ABI3BP: variants seen among roughly 807,000 people sequenced by gnomAD.
ABI3BP encodes the protein ABI family member 3 binding protein, also known as target of Nesh-SH3.
Under a neutral mutation model 268.6 loss-of-function variants are expected in ABI3BP, and 216 were observed. That is an observed-to-expected ratio of 0.80 (90% CI 0.72 to 0.90). The LOEUF is 0.90. ABI3BP is among the 40% of genes least tolerant of loss of function. ABI3BP has a pLI of 0.00. For synonymous variants in ABI3BP, 730 were observed against 730.0 expected (o/e 1.00, Z 0.00); for missense variants, 2,090 against 2,182.4 (o/e 0.96, Z 0.84).
chr3:100,778,054 C>T (rs1053571891), intron 59 of ABI3BP, among the ~76,000 whole-genome samples: 1 of 152,212 alleles, frequency 6.6e-6, no homozygotes, highest in Non-Finnish European at 1.5e-5. Flanking sequence ...AGCACTCAGA[C>T]ATCTAAGAAG....
intron 21 of ABI3BP, among the ~76,000 whole-genome samples, 186 bp downstream of exon 21, chr3:100,841,812 C>T (rs536915612): frequency 4.6e-4 from 69 of 151,620 alleles, no homozygotes; most frequent in African/African-American, 1.6e-3. Flanking sequence ...ATTGCTTGAA[C>T]CTGGGAGGCA....
chr3:100,953,479 G>T (rs569415733), intron 1 of ABI3BP, among the ~76,000 whole-genome samples: 1 of 152,166 alleles, frequency 6.6e-6, no homozygotes, highest in Non-Finnish European at 1.5e-5. Flanking sequence ...TCAGTAGTGA[G>T]GGATACTGAT....
In ABI3BP at chr3:100,900,428, AT is replaced by A. The variant is rs2049752016; in HGVS notation, c.329-1535del. Among the ~76,000 whole-genome samples the A allele has an allele frequency of 2.0e-5, 3 of 152,370 alleles. No homozygotes were observed. In the South Asian group the frequency reaches 6.2e-4, roughly 32 times the overall value. ...AAGTTTCAAGATTGTCCAAAGTCAC[AT>A]TAAGAGCAAAGTCAAAACTCAAGTC... On this transcript the variant is annotated intron_variant, in intron 3 of 67. Coordinates refer to ENST00000471714, the MANE Select transcript of ABI3BP (RefSeq NM_001375547.2).
At chr3:100,812,241 C>T (rs559209448) in intron 46 of ABI3BP, among the ~76,000 whole-genome samples, 2 of 152,206 alleles carry the variant, frequency 1.3e-5, no homozygotes, top group South Asian at 2.1e-4. Flanking sequence ...TTAAAATTTT[C>T]GTTTCGAGTG....
At chr3:100,815,076 G>A (rs1317070400) in intron 44 of ABI3BP, among the ~76,000 whole-genome samples, 1 of 152,102 alleles carries the variant, frequency 6.6e-6, no homozygotes, top group East Asian at 1.9e-4. Flanking sequence ...AACTGAGAGG[G>A]TTTAGGGAGT....
intron 3 of ABI3BP, among the ~76,000 whole-genome samples, chr3:100,902,157 T>C (rs1274147880): frequency 6.6e-6 from 1 of 152,194 alleles, no homozygotes; most frequent in Non-Finnish European, 1.5e-5. Flanking sequence ...AATTATCCTT[T>C]TAAAATGTAA....
intron 1 of ABI3BP, among the ~76,000 whole-genome samples, chr3:100,982,171 C>T (rs2089827340): frequency 2.0e-5 from 2 of 101,054 alleles, no homozygotes; most frequent in Admixed American, 2.2e-4. Flanking sequence ...ACGAGAACAG[C>T]GTGGGAGAAA....
chr3:100,862,581 G>C (rs1371808682), intron 13 of ABI3BP, 196 bp from the exon 14 acceptor site: 1 of 582,988 alleles, frequency 1.7e-6, no homozygotes, highest in Non-Finnish European at 3.0e-6. Context: ...GTCAGAGAGA[G>C]ACCAGAGTTT....
chr3:100,800,689 C>T (rs2097508569), intron 51 of ABI3BP, among the ~76,000 whole-genome samples: 1 of 152,150 alleles, frequency 6.6e-6, no homozygotes, highest in Non-Finnish European at 1.5e-5. Context: ...CCATGTTAGC[C>T]AGAATGGTCT....
intron 55 of ABI3BP, 36 bp from the exon 56 acceptor site, chr3:100,789,552 C>G: frequency 1.3e-6 from 2 of 1,555,476 alleles, no homozygotes; most frequent in South Asian, 1.2e-5. Flanking sequence ...TAATAACCAA[C>G]AGACCAAAGC....
chr3:100,841,220 T>TTTTTTTTTGTTTTTTTG (rs1560681726), intron 21 of ABI3BP, among the ~76,000 whole-genome samples: 34 of 119,584 alleles, frequency 2.8e-4, no homozygotes, highest in East Asian at 5.2e-4. Context: ...TTTTTTTTTT[T>TTTTTTTTTGTTTTTTTG]TTTTTTTGCT....
At chr3:100,899,029 G>T in intron 3 of ABI3BP, 135 bp from the exon 4 acceptor site, 1 of 974,370 alleles carries the variant, frequency 1.0e-6, no homozygotes, top group Non-Finnish European at 1.5e-6. Flanking sequence ...CTTTTCTATA[G>T]TCCACATTAT....
intron 1 of ABI3BP, among the ~76,000 whole-genome samples, chr3:100,985,842 T>C (rs938247454): frequency 3.9e-5 from 6 of 152,240 alleles, no homozygotes; most frequent in African/African-American, 1.4e-4. Flanking sequence ...CTTAATTCTT[T>C]AGGAAGTTGA....
At chr3:100,913,043 TAA>T (rs1435275300) in intron 2 of ABI3BP, among the ~76,000 whole-genome samples, 2 of 152,102 alleles carry the variant, frequency 1.3e-5, no homozygotes, top group Non-Finnish European at 2.9e-5. Flanking sequence ...AGCTGGAATG[TAA>T]AAAGAGTAGA....
At chr3:100,852,707 T>C (rs1320962374) in intron 14 of ABI3BP, among the ~76,000 whole-genome samples, 1 of 152,202 alleles carries the variant, frequency 6.6e-6, no homozygotes, top group Non-Finnish European at 1.5e-5. Flanking sequence ...TTTCTGTGCT[T>C]CTCCATACAG....
At position 100,769,641 on chromosome 3, in the gene ABI3BP, A is replaced by G. The variant is rs80030468; in HGVS notation, c.4741+1102T>C. On this transcript the variant is annotated intron_variant, in intron 62 of 67. Transcript: ENST00000471714. ...CAGGAACTCCTTACTAGCACAGTAT[A>G]TGAAGAGTTTTAGACATTTTAATGG... Among the ~76,000 whole-genome samples, 463 of 152,346 alleles carry G rather than the reference A, an allele frequency of 3.0e-3. 3 individuals carry two copies. The highest frequency in any genetic ancestry group is 0.011 in the African/African-American group (445 of 41,578).
chr3:100,975,942 G>A (rs2153909860), intron 1 of ABI3BP, among the ~76,000 whole-genome samples: 1 of 152,266 alleles, frequency 6.6e-6, no homozygotes, highest in Admixed American at 6.5e-5. Context: ...ACTGGCCGAG[G>A]AACTGGCCAA....
chr3:100,785,534 G>A (rs1211641132), intron 57 of ABI3BP, among the ~76,000 whole-genome samples: 1 of 152,132 alleles, frequency 6.6e-6, no homozygotes. Context: ...AGATGATCAT[G>A]TTATCTATAA....
intron 56 of ABI3BP, 24 bp from the exon 57 acceptor site, chr3:100,787,826 A>T (rs2097095471): frequency 6.9e-7 from 1 of 1,459,000 alleles, no homozygotes; most frequent in Non-Finnish European, 9.1e-7. Flanking sequence ...GGATATAAAT[A>T]GTTCATTTTC....
Sources: gnomAD v4.1 joint callset for allele counts (sites outside exome capture counted in the v4.1 genomes callset) on GRCh38, gnomAD v4.1.1 for gene constraint, MANE v1.5 for transcripts, NCBI Gene and HGNC (gene_info 2026-07-23, HGNC 2026-07-21) for gene names.